The following GALNT18 variants were observed in gnomAD, a reference collection of about 807,000 sequenced individuals.
GALNT18 encodes the protein polypeptide N-acetylgalactosaminyltransferase 18.
Under a neutral mutation model 69.5 loss-of-function variants are expected in GALNT18, and 44 were observed. The ratio of observed to expected loss-of-function variants is 0.63; its 90% CI spans 0.50 to 0.81. The LOEUF is 0.81. Among genes scored for constraint, GALNT18 ranks in the 40% least tolerant of loss-of-function variants. The pLI is 0.00. For synonymous variants in GALNT18, 364 were observed against 318.2 expected (o/e 1.14, Z -1.53); for missense variants, 715 against 810.0 (o/e 0.88, Z 1.42).
At chr11:11,507,791 A>T (rs1590060323) in intron 1 of GALNT18, among the ~76,000 whole-genome samples, 1 of 152,104 alleles carries the variant, frequency 6.6e-6, no homozygotes, top group African/African-American at 2.4e-5. Flanking sequence ...AGGTAGACCC[A>T]CCCTCAATCC....
chr11:11,490,893 C>A (rs968847590), intron 1 of GALNT18, among the ~76,000 whole-genome samples: 35 of 152,218 alleles, frequency 2.3e-4, no homozygotes, highest in African/African-American at 8.2e-4. Flanking sequence ...GATAATGCAA[C>A]CTAAATGCAC....
At chr11:11,517,205 A>G (rs1857300889) in intron 1 of GALNT18, among the ~76,000 whole-genome samples, 1 of 152,220 alleles carries the variant, frequency 6.6e-6, no homozygotes, top group Non-Finnish European at 1.5e-5. Flanking sequence ...CACCCAGTCT[A>G]CAGTGTCTTA....
At chr11:11,441,285 C>T (rs1396607055) in intron 2 of GALNT18, among the ~76,000 whole-genome samples, 1 of 152,162 alleles carries the variant, frequency 6.6e-6, no homozygotes, top group Non-Finnish European at 1.5e-5. Context: ...AGTAATTCCC[C>T]TTTGTTTGTA....
In GALNT18 at chr11:11,279,606, T is replaced by C. The variant is rs370176110; in HGVS notation, c.1678-8316A>G. 2.6e-5 allele frequency among the ~76,000 whole-genome samples: 3 copies of C among 116,880 alleles called. No homozygotes were observed. In the South Asian group the frequency reaches 7.9e-4, roughly 31 times the overall value. 76.7% of individuals were successfully genotyped at this position (116,880 alleles called of 152,430 possible). ...AAAAACTATAGCTATACTCGATAAA[T>C]CTCACCAATACAATGTCGAGCAGAA... On this transcript the variant is annotated intron_variant, in intron 10 of 10. Coordinates refer to ENST00000227756, the MANE Select transcript of GALNT18 (RefSeq NM_198516.3).
chr11:11,606,619 C>A lies in GALNT18; in HGVS notation c.235+14740G>T, dbSNP rs2133954736. 6.6e-6 allele frequency among the ~76,000 whole-genome samples: 1 copy of A among 152,298 alleles called. No individual in the cohort carries two copies. The highest frequency in any genetic ancestry group is 2.4e-5 in the African/African-American group (1 of 41,564). ...GGACCCGAAGTCAGGCTCTGGTCAG[C>A]AGGCCAGGGAGAGGAGATCCCATCC... On this transcript the variant is annotated intron_variant, in intron 1 of 10. Coordinates refer to ENST00000227756, the MANE Select transcript of GALNT18 (RefSeq NM_198516.3). This position sits in a 1 kb window ranked among gnomAD's most constrained non-coding sequence, Gnocchi z 5.4.
At chr11:11,526,272 G>A (rs1396608192) in intron 1 of GALNT18, among the ~76,000 whole-genome samples, 1 of 152,148 alleles carries the variant, frequency 6.6e-6, no homozygotes, top group Non-Finnish European at 1.5e-5. Context: ...CCATGGGCCC[G>A]GCCATGGATC....
At chr11:11,276,700 A>C (rs1334396946) in intron 10 of GALNT18, among the ~76,000 whole-genome samples, 1 of 151,690 alleles carries the variant, frequency 6.6e-6, no homozygotes, top group African/African-American at 2.4e-5. Context: ...TACCTAGTTT[A>C]TTGAGAGTGT....
intron 9 of GALNT18, 130 bp from the exon 10 acceptor site, chr11:11,293,323 C>T: frequency 1.8e-6 from 1 of 551,960 alleles, no homozygotes; most frequent in Non-Finnish European, 2.7e-6. Flanking sequence ...TCTTCACATC[C>T]AGTGGCCTTC....
chr11:11,471,758 G>T lies in GALNT18; in HGVS notation c.236-22822C>A, dbSNP rs962852456. On this transcript the variant is annotated intron_variant, in intron 1 of 10. Coordinates refer to ENST00000227756, the MANE Select transcript of GALNT18 (RefSeq NM_198516.3). ...CTCAGCAAGAAAATAAGGTAGGCAG[G>T]ATAGAAATTCTGTAGTACTTTTCTG... Among the ~76,000 whole-genome samples, 5 of 152,310 alleles carry T rather than the reference G, an allele frequency of 3.3e-5. No individual in the cohort carries two copies. The South Asian group carries it at 8.3e-4, about 25-fold the overall frequency.
intron 3 of GALNT18, among the ~76,000 whole-genome samples, chr11:11,391,602 T>C (rs374842940): frequency 3.6e-4 from 55 of 152,386 alleles, no homozygotes; most frequent in African/African-American, 1.3e-3. Flanking sequence ...CTATCTTTTT[T>C]TCTCATTCAC....
chr11:11,409,001 C>T (rs1854661244), intron 3 of GALNT18, among the ~76,000 whole-genome samples: 1 of 152,190 alleles, frequency 6.6e-6, no homozygotes, highest in South Asian at 2.1e-4. Context: ...CCAACTCCTC[C>T]AACTTTGACG....
rs952209466 is a variant in GALNT18, at chr11:11,600,451, C to T, written c.235+20908G>A. 6.6e-6 allele frequency among the ~76,000 whole-genome samples: 1 copy of T among 151,964 alleles called. No homozygotes were observed. Among genetic ancestry groups the T allele is most frequent in the Non-Finnish European group, 1.5e-5 (1 of 67,940 alleles). On this transcript the variant is annotated intron_variant, in intron 1 of 10. Transcript: ENST00000227756. The surrounding 1 kb of genome is among the most constrained non-coding windows in gnomAD (Gnocchi z 4.8). ...TGGTTAACTTTTTTTTCTTTCAGCACTTTGAATATATCATCCCACTGCCTT... is the reference window on the plus strand; with the variant it reads ...TGGTTAACTTTTTTTTCTTTCAGCATTTTGAATATATCATCCCACTGCCTT...
At chr11:11,280,307 G>A (rs577722050) in intron 10 of GALNT18, among the ~76,000 whole-genome samples, 3 of 152,282 alleles carry the variant, frequency 2.0e-5, no homozygotes, top group Admixed American at 6.5e-5. Flanking sequence ...GAAGGGCCCT[G>A]GAATCCCCAT....
intron 10 of GALNT18, among the ~76,000 whole-genome samples, chr11:11,278,200 A>T (rs1261579983): frequency 4.6e-5 from 7 of 152,124 alleles, no homozygotes; most frequent in Non-Finnish European, 1.0e-4. Context: ...AGACTCCAAC[A>T]CCATAATGGT....
At chr11:11,576,603 T>C (rs1406630293) in intron 1 of GALNT18, among the ~76,000 whole-genome samples, 1 of 152,176 alleles carries the variant, frequency 6.6e-6, no homozygotes, top group Non-Finnish European at 1.5e-5. Context: ...GTTCCACAGA[T>C]TAGGAAATTG....
chr11:11,333,231 T>G (rs61872413), intron 7 of GALNT18, among the ~76,000 whole-genome samples: 4,304 of 152,098 alleles, frequency 0.028, 84 homozygotes, highest in Non-Finnish European at 0.04. Context: ...GAAAAAGCAT[T>G]GAGATGAAAT....
intron 3 of GALNT18, among the ~76,000 whole-genome samples, chr11:11,409,355 C>A (rs1248622967): frequency 2.0e-5 from 3 of 152,110 alleles, no homozygotes; most frequent in African/African-American, 4.8e-5. Context: ...ACAGGGCAGG[C>A]CCAGCAGGTC....
chr11:11,377,915 C>G lies in GALNT18; in HGVS notation c.780-536G>C, dbSNP rs1284984856. On this transcript the variant is annotated intron_variant, in intron 4 of 10. Transcript: ENST00000227756. The surrounding 1 kb of genome is among the most constrained non-coding windows in gnomAD (Gnocchi z 4.6). ...CCCCCCAAAGCGTTTCCCAACCACC[C>G]AAGGAGGGGTGGGGCATTTGGGCTT... 6.6e-6 allele frequency among the ~76,000 whole-genome samples: 1 copy of G among 152,152 alleles called. No homozygotes were observed. Among genetic ancestry groups the G allele is most frequent in the Non-Finnish European group, 1.5e-5 (1 of 68,030 alleles).
intron 2 of GALNT18, among the ~76,000 whole-genome samples, chr11:11,446,100 C>T (rs1262159480): frequency 6.6e-6 from 1 of 152,172 alleles, no homozygotes; most frequent in Non-Finnish European, 1.5e-5. Flanking sequence ...GAGACATGGG[C>T]TCAAGGCTCA....
Sources: allele counts gnomAD v4.1 joint callset (sites outside exome capture counted in the v4.1 genomes callset), GRCh38; gene constraint gnomAD v4.1.1; non-coding constraint Gnocchi (gnomAD v3.1); transcripts MANE v1.5; gene names NCBI Gene and HGNC (gene_info 2026-07-23, HGNC 2026-07-21).